The following MEIS1 variants were observed in gnomAD, a reference collection of about 807,000 sequenced individuals.
The protein encoded by MEIS1 is Meis homeobox 1, also known as homeobox protein Meis1.
In MEIS1, 5 loss-of-function variants were observed where a neutral mutation model predicts 50.8. The ratio of observed to expected loss-of-function variants is 0.10; its 90% CI spans 0.05 to 0.21. The LOEUF (loss-of-function observed/expected upper bound fraction) is 0.21, where lower values mean the gene tolerates loss of function less well. MEIS1 is among the 10% of genes least tolerant of loss of function. MEIS1 has a pLI of 1.00. For missense variants in MEIS1, 318 were observed against 517.3 expected, an observed-to-expected ratio of 0.61 and a Z score of 3.74; for synonymous variants, 176 against 179.3, an observed-to-expected ratio of 0.98 and a Z score of 0.15.
intron 7 of MEIS1, among the ~76,000 whole-genome samples, chr2:66,465,143 C>T (rs184375560): frequency 6.6e-6 from 1 of 152,230 alleles, no homozygotes; most frequent in East Asian, 1.9e-4. Flanking sequence ...CTTAGTTGGG[C>T]TCTACCAATT....
chr2:66,488,293 A>G (rs1673188690), intron 7 of MEIS1, among the ~76,000 whole-genome samples: 1 of 152,234 alleles, frequency 6.6e-6, no homozygotes. Context: ...TATATCATGT[A>G]TGAGGTCACC....
chr2:66,570,505 C>G (rs568589158), intron 12 of MEIS1: 17 of 152,150 alleles, frequency 1.1e-4, no homozygotes, highest in Admixed American at 1.0e-3. Flanking sequence ...AGGTGTTCAT[C>G]GTATTCACAG....
At chr2:66,550,274 T>C (rs950279945) in intron 9 of MEIS1, among the ~76,000 whole-genome samples, 1 of 152,194 alleles carries the variant, frequency 6.6e-6, no homozygotes, top group Non-Finnish European at 1.5e-5. Context: ...GAAGTGGCTT[T>C]TGCTTGCACC....
At position 66,532,456 on chromosome 2, in the gene MEIS1, C is replaced by CT. The variant is rs1457102419; in HGVS notation, c.889-15487_889-15486insT. Among the ~76,000 whole-genome samples, 62 of 151,976 alleles carry CT rather than the reference C, an allele frequency of 4.1e-4. 1 individual carries two copies. Among genetic ancestry groups the CT allele is most frequent in the African/African-American group, 1.3e-3 (54 of 41,488 alleles). On this transcript the variant is annotated intron_variant, in intron 8 of 12. Transcript: ENST00000272369. ...AACAATCACAAGGCCCTCTGACACT[C>CT]ACCCCAATTGTGCCTTCTTAAAATA...
intron 7 of MEIS1, among the ~76,000 whole-genome samples, chr2:66,482,111 C>T (rs932322361): frequency 6.6e-6 from 1 of 152,080 alleles, no homozygotes; most frequent in Non-Finnish European, 1.5e-5. Flanking sequence ...CTGCCTACGT[C>T]GGCCTCCCAA....
At chr2:66,456,736 G>T (rs1672398669) in intron 6 of MEIS1, among the ~76,000 whole-genome samples, 1 of 152,228 alleles carries the variant, frequency 6.6e-6, no homozygotes, top group Admixed American at 6.5e-5. Flanking sequence ...AGAGTTGGTG[G>T]AGAAAGTGGA....
chr2:66,532,581 TCA>T (rs1415595103), intron 8 of MEIS1, among the ~76,000 whole-genome samples: 1 of 151,898 alleles, frequency 6.6e-6, no homozygotes, highest in Admixed American at 6.6e-5. Flanking sequence ...TTGGTTAACA[TCA>T]CAGAGTTTTT....
At chr2:66,525,379 G>A (rs1674225214) in intron 8 of MEIS1, among the ~76,000 whole-genome samples, 1 of 152,190 alleles carries the variant, frequency 6.6e-6, no homozygotes, top group Non-Finnish European at 1.5e-5. Flanking sequence ...TGCTGGTGCT[G>A]CTGGTCCACA....
chr2:66,503,510 T>G (rs960701504), intron 7 of MEIS1, among the ~76,000 whole-genome samples: 5 of 152,196 alleles, frequency 3.3e-5, no homozygotes, highest in African/African-American at 1.2e-4. Flanking sequence ...TGTACTTTTT[T>G]CCAATTAAGA....
At chr2:66,498,379 A>G (rs1425968916) in intron 7 of MEIS1, among the ~76,000 whole-genome samples, 1 of 152,158 alleles carries the variant, frequency 6.6e-6, no homozygotes, top group Non-Finnish European at 1.5e-5. Context: ...CCAGGGTCAC[A>G]CAGCTATTAA....
intron 6 of MEIS1, 111 bp downstream of exon 6, chr2:66,443,159 T>C (rs1323016980): frequency 1.6e-6 from 2 of 1,217,336 alleles, no homozygotes; most frequent in Non-Finnish European, 2.2e-6. Context: ...TAAGTCCCTT[T>C]TAGATACATT....
At chr2:66,481,112 C>A (rs1396150617) in intron 7 of MEIS1, among the ~76,000 whole-genome samples, 1 of 152,152 alleles carries the variant, frequency 6.6e-6, no homozygotes, top group Non-Finnish European at 1.5e-5. Flanking sequence ...GCATCCTGAT[C>A]CCCTGCAGCA....
At chr2:66,528,562 A>G (rs188886519) in intron 8 of MEIS1, among the ~76,000 whole-genome samples, 1 of 152,010 alleles carries the variant, frequency 6.6e-6, no homozygotes, top group African/African-American at 2.4e-5. Flanking sequence ...TTCCCCCTTC[A>G]CAGGCAGTTG....
chr2:66,555,948 C>A (rs1292328086), intron 9 of MEIS1, among the ~76,000 whole-genome samples: 1 of 152,120 alleles, frequency 6.6e-6, no homozygotes, highest in South Asian at 2.1e-4. Context: ...GTCTTAGATC[C>A]GGTCTGCATT....
chr2:66,461,244 C>T (rs184708815), intron 6 of MEIS1, among the ~76,000 whole-genome samples: 9 of 152,126 alleles, frequency 5.9e-5, no homozygotes, highest in Non-Finnish European at 1.2e-4. Flanking sequence ...TTGGTGTAAC[C>T]GCATATAGTC....
chr2:66,543,093 G>A (rs1055763624), intron 8 of MEIS1, among the ~76,000 whole-genome samples: 1 of 152,166 alleles, frequency 6.6e-6, no homozygotes, highest in Non-Finnish European at 1.5e-5. Flanking sequence ...CACTGGTTAT[G>A]TGCAGACATA....
chr2:66,494,807 C>T (rs1174962118), intron 7 of MEIS1, among the ~76,000 whole-genome samples: 1 of 152,144 alleles, frequency 6.6e-6, no homozygotes, highest in East Asian at 1.9e-4. Context: ...AAGGAAGGCT[C>T]AGCAAATTGA....
Position 66,571,287 on chromosome 2 carries a change from C to T in MEIS1, c.*79C>T. 6.3e-7 allele frequency: 1 copy of T among 1,597,216 alleles called. No homozygotes were observed. Among genetic ancestry groups the T allele is most frequent in the Non-Finnish European group, 8.5e-7 (1 of 1,171,830 alleles). ...AGGGGAGTATGTAGCCCGGGGTGGT[C>T]CAATGGGTGTGAGTATGGGACAGCC... On this transcript the variant is annotated 3_prime_UTR_variant, in exon 13 of 13. Coordinates refer to ENST00000272369, the MANE Select transcript of MEIS1 (RefSeq NM_002398.3).
At chr2:66,569,805 A>G (rs554837253) in intron 12 of MEIS1, 2 of 152,796 alleles carry the variant, frequency 1.3e-5, no homozygotes, top group South Asian at 4.1e-4. Context: ...TAAGTATGCC[A>G]TCACTTGCAG....
Sources: gnomAD v4.1 joint callset for allele counts (sites outside exome capture counted in the v4.1 genomes callset) on GRCh38, gnomAD v4.1.1 for gene constraint, MANE v1.5 for transcripts, NCBI Gene and HGNC (gene_info 2026-07-23, HGNC 2026-07-21) for gene names.